Variants in ANAPC1 observed in about 807,000 individuals in gnomAD.
ANAPC1 encodes the protein anaphase promoting complex subunit 1, also known as anaphase-promoting complex subunit 1.
ANAPC1 carries 36 observed loss-of-function variants against 208.0 expected under a neutral mutation model. That is an observed-to-expected ratio of 0.17 (90% CI 0.13 to 0.23). The LOEUF (loss-of-function observed/expected upper bound fraction) is 0.23. ANAPC1 is among the 10% of genes least tolerant of loss of function. The pLI, the probability that ANAPC1 is intolerant of heterozygous loss-of-function variation, is 1.00. For synonymous variants in ANAPC1, 378 were observed against 695.2 expected (o/e 0.54, Z 7.18); for missense variants, 942 against 2,011.6 (o/e 0.47, Z 10.17).
chr2:111,854,802 T>A (rs1171713352), intron 13 of ANAPC1, among the ~76,000 whole-genome samples: 1 of 152,236 alleles, frequency 6.6e-6, no homozygotes. Flanking sequence ...GGGAATGTTA[T>A]GGCTGGTTTG....
chr2:111,825,556 T>C (rs1050802603), intron 22 of ANAPC1, among the ~76,000 whole-genome samples: 14 of 152,240 alleles, frequency 9.2e-5, no homozygotes, highest in African/African-American at 2.9e-4. Context: ...CAGGCTAAAA[T>C]AGTCCTTTTT....
Position 111,792,907 on chromosome 2 carries a change from C to T in ANAPC1, c.4519-352G>A, listed in dbSNP as rs1558669499. Among the ~76,000 whole-genome samples the T allele has an allele frequency of 3.3e-5, 5 of 152,032 alleles. No homozygotes were observed. The South Asian group carries it at 8.3e-4, about 25-fold the overall frequency. On this transcript the variant is annotated intron_variant, in intron 37 of 47. Transcript: ENST00000341068. ...TGCGGAGCTCGCAGTGAGCCGAGAT[C>T]GCGCCACTGCACTCCAGCCTGGGAG...
Position 111,875,778 on chromosome 2 carries a change from C to G in ANAPC1, c.376-2114G>C, listed in dbSNP as rs1682993907. 4.6e-5 allele frequency among the ~76,000 whole-genome samples: 7 copies of G among 152,374 alleles called. No homozygotes were observed. The South Asian group carries it at 1.4e-3, about 32-fold the overall frequency. On this transcript the variant is annotated intron_variant, in intron 3 of 47. Coordinates refer to ENST00000341068, the MANE Select transcript of ANAPC1 (RefSeq NM_022662.4). ...ATCCACTTGCATCTCTCCACACCCA[C>G]ACTTCGTGTACAGCCATTCTGAAGT...
intron 6 of ANAPC1, among the ~76,000 whole-genome samples, chr2:111,870,993 A>T (rs1682718193): frequency 6.6e-6 from 1 of 152,220 alleles, no homozygotes. Context: ...GTCAAAGATC[A>T]AATACTTGAT....
chr2:111,826,547 T>C (rs1230993709), intron 21 of ANAPC1, among the ~76,000 whole-genome samples: 1 of 152,226 alleles, frequency 6.6e-6, no homozygotes, highest in African/African-American at 2.4e-5. Flanking sequence ...TTCCTTTTCA[T>C]GCTAAGTAGT....
At chr2:111,869,595 T>C (rs576156029) in intron 6 of ANAPC1, among the ~76,000 whole-genome samples, 1 of 152,136 alleles carries the variant, frequency 6.6e-6, no homozygotes, top group African/African-American at 2.4e-5. Flanking sequence ...ACCACTTAGA[T>C]TGGGAAAAAA....
intron 6 of ANAPC1, among the ~76,000 whole-genome samples, chr2:111,870,250 G>A (rs965339738): frequency 2.0e-5 from 3 of 152,218 alleles, no homozygotes; most frequent in African/African-American, 7.2e-5. Context: ...GGGACTGCTA[G>A]ATTGAATGGT....
chr2:111,784,010 T>C (rs1400062028), intron 41 of ANAPC1, 46 bp from the exon 42 acceptor site: 3 of 687,400 alleles, frequency 4.4e-6, no homozygotes, highest in South Asian at 1.7e-5. Flanking sequence ...CTGAAAAATA[T>C]GCTCATCTGA....
Position 111,825,763 on chromosome 2 carries a change from T to C in ANAPC1, c.2704+14A>G, listed in dbSNP as rs749330396. 12 of 1,606,484 alleles carry C rather than the reference T, an allele frequency of 7.5e-6. No homozygotes were observed. Among genetic ancestry groups the C allele is most frequent in the South Asian group, 3.4e-5 (3 of 88,970 alleles). The stretch of plus-strand genomic sequence containing the variant: ...CAAAAATTTGTTTCCAGAGGCAACA[T>C]TGCACCAACTTACCTATAGTTATTC... On this transcript the variant is annotated intron_variant, in intron 22 of 47. Coordinates refer to ENST00000341068, the MANE Select transcript of ANAPC1 (RefSeq NM_022662.4).
chr2:111,825,822 A>C lies in ANAPC1; in HGVS notation c.2659T>G (p.Leu887Val), dbSNP rs752483759. ...TACTGTGAGGATTCATCAGAAACCA[A>C]GCTCTCATCACCAAGTATGTACAGT... ...IALYILGDES[L>V]VSDESSQYLT... is the part of the protein sequence containing the mutation. The change falls in exon 22 of 48, where the codon TTG becomes GTG. Residue 887 changes from leucine to valine, a missense_variant. Leu to Val is a conservative substitution (Grantham distance 32). Coordinates refer to ENST00000341068, the MANE Select transcript of ANAPC1 (RefSeq NM_022662.4). 1 of 1,613,842 alleles carries C rather than the reference A, an allele frequency of 6.2e-7. No homozygotes were observed. Among genetic ancestry groups the C allele is most frequent in the Non-Finnish European group, 8.5e-7 (1 of 1,179,752 alleles).
chr2:111,851,954 T>C (rs1180781761), intron 13 of ANAPC1, among the ~76,000 whole-genome samples: 1 of 152,124 alleles, frequency 6.6e-6, no homozygotes, highest in Non-Finnish European at 1.5e-5. Flanking sequence ...AGAACTAAAA[T>C]GAGATATTAA....
intron 6 of ANAPC1, among the ~76,000 whole-genome samples, chr2:111,870,353 C>T (rs1682679576): frequency 6.6e-6 from 1 of 152,182 alleles, no homozygotes; most frequent in Non-Finnish European, 1.5e-5. Flanking sequence ...AAGCATTCCC[C>T]TTCCACCACA....
intron 1 of ANAPC1, among the ~76,000 whole-genome samples, chr2:111,881,510 AGGGTACT>A (rs1318257039): frequency 6.6e-6 from 1 of 152,200 alleles, no homozygotes; most frequent in Admixed American, 6.5e-5. Flanking sequence ...TGCAGATTTA[AGGGTACT>A]AGGTTTTAAT....
At chr2:111,838,390 T>G (rs1680586620) in intron 18 of ANAPC1, 48 bp downstream of exon 18, 5 of 1,456,286 alleles carry the variant, frequency 3.4e-6, no homozygotes, top group Non-Finnish European at 4.7e-6. Context: ...AAGAATAGTA[T>G]GAATATCCAT....
intron 21 of ANAPC1, among the ~76,000 whole-genome samples, chr2:111,827,907 C>T (rs1297860704): frequency 6.6e-6 from 1 of 151,872 alleles, no homozygotes; most frequent in African/African-American, 2.4e-5. Flanking sequence ...TCTGAGCTAA[C>T]AAGTTATAAA....
At position 111,870,510 on chromosome 2, in the gene ANAPC1, CTTCTT is replaced by C. The variant is rs1234650806; in HGVS notation, c.611+2115_611+2119del. On this transcript the variant is annotated intron_variant, in intron 6 of 47. Coordinates refer to ENST00000341068, the MANE Select transcript of ANAPC1 (RefSeq NM_022662.4). The stretch of plus-strand genomic sequence containing the variant: ...TCATGTTTGTTGGCCATTTGTGTAT[CTTCTT>C]TTGAGAACTGTCTATTCATGTCCTT... 5.9e-5 allele frequency among the ~76,000 whole-genome samples: 9 copies of C among 152,228 alleles called. No individual in the cohort carries two copies. In the East Asian group the frequency reaches 1.5e-3, roughly 26 times the overall value.
At chr2:111,866,463 T>A (rs1277653054) in intron 7 of ANAPC1, 3 of 157,988 alleles carry the variant, frequency 1.9e-5, no homozygotes, top group African/African-American at 8.0e-5. Context: ...TGGTGGCTCA[T>A]GTCTGTAATC....
At chr2:111,852,929 A>G (rs1264327708) in intron 13 of ANAPC1, among the ~76,000 whole-genome samples, 1 of 152,074 alleles carries the variant, frequency 6.6e-6, no homozygotes, top group African/African-American at 2.4e-5. Flanking sequence ...TCATGGGTGC[A>G]GTGAGCTGTG....
chr2:111,861,484 G>GAA (rs1682061218), intron 10 of ANAPC1, among the ~76,000 whole-genome samples: 1 of 151,500 alleles, frequency 6.6e-6, no homozygotes, highest in Non-Finnish European at 1.5e-5. Flanking sequence ...TCTGATCCCA[G>GAA]CTGCCGTCTG....
Sources: allele counts gnomAD v4.1 joint callset (sites outside exome capture counted in the v4.1 genomes callset), GRCh38; gene constraint gnomAD v4.1.1; transcripts MANE v1.5; gene names NCBI Gene and HGNC (gene_info 2026-07-23, HGNC 2026-07-21).